The following ACRV1 variants were observed in gnomAD, a reference collection of about 807,000 sequenced individuals.
ACRV1 encodes acrosomal protein SP-10.
ACRV1 carries 17 observed loss-of-function variants against 29.2 expected under a neutral mutation model. That is an observed-to-expected ratio of 0.58 (90% CI 0.40 to 0.87). The LOEUF (loss-of-function observed/expected upper bound fraction) is 0.87. Among genes scored for constraint, ACRV1 ranks in the 40% least tolerant of loss-of-function variants. The pLI, the probability that ACRV1 is intolerant of heterozygous loss-of-function variation, is 0.00. For missense variants in ACRV1, 294 were observed against 316.0 expected (o/e 0.93, Z 0.53); for synonymous variants, 98 against 111.6 (o/e 0.88, Z 0.77).
At chr11:125,676,804 T>C (rs1289317605) in intron 2 of ACRV1, among the ~76,000 whole-genome samples, 1 of 152,222 alleles carries the variant, frequency 6.6e-6, no homozygotes, top group Non-Finnish European at 1.5e-5. Flanking sequence ...AAAATGTATG[T>C]GTGATTTTCA....
At chr11:125,679,676 A>G (rs1257369650) in intron 1 of ACRV1, among the ~76,000 whole-genome samples, 2 of 152,244 alleles carry the variant, frequency 1.3e-5, no homozygotes, top group African/African-American at 4.8e-5. Context: ...AATTCTAGCC[A>G]AAAGCTGAGA....
chr11:125,674,231 G>C (rs1422016183), intron 3 of ACRV1, among the ~76,000 whole-genome samples: 1 of 152,170 alleles, frequency 6.6e-6, no homozygotes. Flanking sequence ...AGAGCTGAGA[G>C]AGATAAAAAT....
chr11:125,677,968 G>T lies in ACRV1; in HGVS notation c.382C>A (p.Gln128Lys). The change falls in exon 2 of 4, where the codon CAG becomes AAG. Residue 128 changes from glutamine to lysine, a missense_variant. Physicochemically the swap from Gln to Lys is moderately conservative, Grantham distance 53. Coordinates refer to ENST00000533904, the MANE Select transcript of ACRV1 (RefSeq NM_001612.6). ...QPSGEHLSGE[Q>K]PLSELESGEQ... ...CCTGACTCAAGCTCACTCAAAGGCTGTTCTCCGGAGAGGTGTTCACCTGAA... is the reference window on the plus strand; with the variant it reads ...CCTGACTCAAGCTCACTCAAAGGCTTTTCTCCGGAGAGGTGTTCACCTGAA... The T allele has an allele frequency of 1.9e-6, 3 of 1,612,520 alleles. No homozygotes were observed. Among genetic ancestry groups the T allele is most frequent in the South Asian group, 2.2e-5 (2 of 91,014 alleles).
At chr11:125,680,057 T>A (rs1428131787) in intron 1 of ACRV1, among the ~76,000 whole-genome samples, 3 of 152,252 alleles carry the variant, frequency 2.0e-5, no homozygotes, top group African/African-American at 7.2e-5. Context: ...CTGGTGGCTG[T>A]GTATCTACAT....
At position 125,680,734 on chromosome 11, in the gene ACRV1, G is replaced by T; in HGVS notation, c.47C>A (p.Ala16Asp). The T allele has an allele frequency of 6.2e-7, 1 of 1,613,408 alleles. No homozygotes were observed. Among genetic ancestry groups the T allele is most frequent in the South Asian group, 1.1e-5 (1 of 91,050 alleles). ...LLMSLYLLGS[A>D]RGTSSQPNEL... Reference sequence around the variant, plus strand: ...AGCCTAGATCAAACACTCACCTCTGGCAGATCCAAGCAGATAAAGACTCAT... The same window carrying T: ...AGCCTAGATCAAACACTCACCTCTGTCAGATCCAAGCAGATAAAGACTCAT... The change falls in exon 1 of 4, where the codon GCC becomes GAC. Residue 16 changes from alanine to aspartate, a missense_variant. Ala to Asp is a moderately radical substitution (Grantham distance 126). Transcript: ENST00000533904.
At chr11:125,674,211 T>C (rs1942368643) in intron 3 of ACRV1, among the ~76,000 whole-genome samples, 2 of 152,164 alleles carry the variant, frequency 1.3e-5, no homozygotes, top group South Asian at 2.1e-4. Context: ...AATAACATCA[T>C]TTGATGTCAA....
rs376732937 is a variant in ACRV1 at position 125,680,728 on chromosome 11, C to A, written c.52+1G>T. 1 of 1,613,380 alleles carries A rather than the reference C, an allele frequency of 6.2e-7. No homozygotes were observed. The highest frequency in any genetic ancestry group is 8.5e-7 in the Non-Finnish European group (1 of 1,179,494). ...ACCTGAAGCCTAGATCAAACACTCA[C>A]CTCTGGCAGATCCAAGCAGATAAAG... is the stretch of plus-strand genomic sequence containing the variant. On this transcript the variant is annotated splice_donor_variant, in intron 1 of 3. Coordinates refer to ENST00000533904, the MANE Select transcript of ACRV1 (RefSeq NM_001612.6). LOFTEE classifies it high-confidence loss of function.
At chr11:125,676,329 C>T in intron 3 of ACRV1, 30 bp downstream of exon 3, 1 of 1,612,988 alleles carries the variant, frequency 6.2e-7, no homozygotes, top group Non-Finnish European at 8.5e-7. Context: ...TGTTCTCAGG[C>T]AGAAATTGCC....
At chr11:125,674,269 C>A (rs571206541) in intron 3 of ACRV1, among the ~76,000 whole-genome samples, 2 of 152,114 alleles carry the variant, frequency 1.3e-5, no homozygotes, top group Non-Finnish European at 2.9e-5. Flanking sequence ...AATGGAAAAA[C>A]CATGTTATAT....
chr11:125,676,180 T>C, intron 3 of ACRV1, 179 bp downstream of exon 3: 1 of 734,696 alleles, frequency 1.4e-6, no homozygotes, highest in East Asian at 2.9e-5. Flanking sequence ...AGTGCTGGGA[T>C]TTTAGGTGTG....
intron 1 of ACRV1, among the ~76,000 whole-genome samples, chr11:125,680,016 G>A (rs763215372): frequency 7.2e-5 from 11 of 152,280 alleles, no homozygotes; most frequent in African/African-American, 1.9e-4. Context: ...TTTATGACTC[G>A]TGTCACCATG....
intron 1 of ACRV1, 38 bp from the exon 2 acceptor site, chr11:125,678,335 T>G (rs1942627090): frequency 6.3e-7 from 1 of 1,599,110 alleles, no homozygotes; most frequent in Non-Finnish European, 8.5e-7. Context: ...TTGGTGAAGC[T>G]GACAGAATGG....
At position 125,671,865 on chromosome 11, in the gene ACRV1, T is replaced by G. The variant is rs1440566838; in HGVS notation, c.*728A>C. On this transcript the variant is annotated 3_prime_UTR_variant, in exon 4 of 4. Transcript: ENST00000533904. ...GTATGTGAAAACATCTTGAAGAACATAACACTTATATGAGGGACCGTTTAG... is the reference window on the plus strand; with the variant it reads ...GTATGTGAAAACATCTTGAAGAACAGAACACTTATATGAGGGACCGTTTAG... 6.6e-6 allele frequency: 1 copy of G among 152,220 alleles called. No individual in the cohort carries two copies. The highest frequency in any genetic ancestry group is 1.5e-5 in the Non-Finnish European group (1 of 68,042). The allele number at this position is 152,220 out of a possible 1,614,324, so 9.4% of individuals were successfully genotyped here. A position where few individuals can be genotyped will look rare whatever the true frequency, so the allele number is the denominator to read the frequency against.
rs1277968316 is a variant in ACRV1, at chr11:125,672,396, C to A, written c.*197G>T. 2.3e-5 allele frequency: 13 copies of A among 557,454 alleles called. No individual in the cohort carries two copies. The highest frequency in any genetic ancestry group is 9.7e-5 in the African/African-American group (5 of 51,406). The allele number at this position is 557,454 out of a possible 1,614,324, so 34.5% of individuals were successfully genotyped here. On this transcript the variant is annotated 3_prime_UTR_variant, in exon 4 of 4. Coordinates refer to ENST00000533904, the MANE Select transcript of ACRV1 (RefSeq NM_001612.6). Reference sequence around the variant, plus strand: ...GGAATATTGAGAGAAAGAGTTGGAGCAGGGAAGACAGGACAGAGAAGAATG... The same window carrying A: ...GGAATATTGAGAGAAAGAGTTGGAGAAGGGAAGACAGGACAGAGAAGAATG...
Position 125,678,106 on chromosome 11 carries a change from C to G in ACRV1, c.244G>C (p.Glu82Gln). 6.2e-7 allele frequency: 1 copy of G among 1,614,174 alleles called. No individual in the cohort carries two copies. Among genetic ancestry groups the G allele is most frequent in the Non-Finnish European group, 8.5e-7 (1 of 1,180,042 alleles). ...EHGSSKHTVA[E>Q]HTSGEHAESE... Reference sequence around the variant, plus strand: ...TCAGCATGTTCTCCAGAAGTGTGCTCGGCCACAGTGTGCTTGCTTGAACCA... The same window carrying G: ...TCAGCATGTTCTCCAGAAGTGTGCTGGGCCACAGTGTGCTTGCTTGAACCA... The change falls in exon 2 of 4, where the codon GAG (glutamate) becomes CAG (glutamine). Residue 82 changes from glutamate to glutamine, a missense_variant. Coordinates refer to ENST00000533904, the MANE Select transcript of ACRV1 (RefSeq NM_001612.6).
chr11:125,677,820 G>A lies in ACRV1; in HGVS notation c.530C>T (p.Ala177Val). Residue 177 changes from alanine (A) to valine (V), a missense_variant, in exon 2 of 4, where the codon GCA (alanine) becomes GTA (valine). Physicochemically the swap from Ala to Val is moderately conservative, Grantham distance 64 (BLOSUM62 0). Transcript: ENST00000533904. ...EHASGEQASG[A>V]PISSTSTGTI... Reference sequence around the variant, plus strand: ...ACCTGTAGATGTGCTTGAAATTGGTGCACCTGAAGCCTGTTCCCCTGAAGC... The same window carrying A: ...ACCTGTAGATGTGCTTGAAATTGGTACACCTGAAGCCTGTTCCCCTGAAGC... The A allele has an allele frequency of 1.2e-6, 2 of 1,614,104 alleles. No homozygotes were observed. Among genetic ancestry groups the A allele is most frequent in the East Asian group, 4.5e-5 (2 of 44,884 alleles).
intron 3 of ACRV1, among the ~76,000 whole-genome samples, chr11:125,672,994 C>G (rs1323401610): frequency 6.6e-6 from 1 of 152,068 alleles, no homozygotes. Context: ...AATCGTGCTA[C>G]TCCCCTAGCA....
intron 1 of ACRV1, among the ~76,000 whole-genome samples, chr11:125,678,690 A>G (rs1446501756): frequency 6.6e-6 from 1 of 152,000 alleles, no homozygotes; most frequent in Non-Finnish European, 1.5e-5. Context: ...CAACCCTCCC[A>G]TTCCTCTATG....
chr11:125,672,767 C>G (rs1942264843), intron 3 of ACRV1, 50 bp from the exon 4 acceptor site: 1 of 1,607,892 alleles, frequency 6.2e-7, no homozygotes, highest in Non-Finnish European at 8.5e-7. Context: ...GTCCTCCAAC[C>G]TTAGCCTTTA....
Sources: allele counts gnomAD v4.1 joint callset (sites outside exome capture counted in the v4.1 genomes callset), GRCh38; gene constraint gnomAD v4.1.1; transcripts MANE v1.5; gene names NCBI Gene and HGNC (gene_info 2026-07-23, HGNC 2026-07-21).